YEATS2: variants seen among roughly 807,000 people sequenced by gnomAD.
YEATS2 encodes YEATS domain-containing protein 2.
A neutral mutation model predicts 163.2 loss-of-function variants in YEATS2; 77 were observed. That is an observed-to-expected ratio of 0.47 (90% CI 0.39 to 0.57). The LOEUF is 0.57. YEATS2 is among the 20% of genes least tolerant of loss of function. YEATS2 has a pLI of 0.00. For missense variants in YEATS2, 1,549 were observed against 1,729.8 expected, an observed-to-expected ratio of 0.90 and a Z score of 1.85; for synonymous variants, 631 against 645.1, an observed-to-expected ratio of 0.98 and a Z score of 0.33.
intron 7 of YEATS2, among the ~76,000 whole-genome samples, chr3:183,732,135 T>C (rs1201738001): frequency 1.3e-5 from 2 of 152,144 alleles, no homozygotes; most frequent in Non-Finnish European, 2.9e-5. Flanking sequence ...TCTCGATGTT[T>C]AGGACCTTAT....
intron 9 of YEATS2, among the ~76,000 whole-genome samples, chr3:183,750,049 C>T (rs1355563542): frequency 6.6e-6 from 1 of 151,722 alleles, no homozygotes; most frequent in African/African-American, 2.4e-5. Context: ...TGGTCTTGAT[C>T]TCCTGACCTC....
At chr3:183,783,920 C>A (rs1723813588) in intron 19 of YEATS2, among the ~76,000 whole-genome samples, 1 of 151,928 alleles carries the variant, frequency 6.6e-6, no homozygotes, top group Non-Finnish European at 1.5e-5. Flanking sequence ...GATGGTAGTT[C>A]CGTTTTAAGT....
Position 183,798,995 on chromosome 3 carries a change from T to C in YEATS2, c.3325+6T>C, listed in dbSNP as rs763890496. ...TCCAGCAGCTGTTGCAAAAGGTACG[T>C]AGGATCTCACAGAGTTCTCGTCCAG... On this transcript the variant is annotated splice_donor_region_variant and intron_variant, in intron 23 of 30. Coordinates refer to ENST00000305135, the MANE Select transcript of YEATS2 (RefSeq NM_018023.5). 6 of 1,608,728 alleles carry C rather than the reference T, an allele frequency of 3.7e-6. No individual in the cohort carries two copies. In the African/African-American group the frequency reaches 5.3e-5, roughly 14 times the overall value.
intron 9 of YEATS2, 65 bp from the exon 10 acceptor site, chr3:183,752,008 G>A (rs1289415259): frequency 1.7e-5 from 26 of 1,564,862 alleles, no homozygotes; most frequent in East Asian, 2.3e-5. Flanking sequence ...ATTCTTGGAC[G>A]GGACTTGAGC....
chr3:183,750,026 G>A (rs970851010), intron 9 of YEATS2, among the ~76,000 whole-genome samples: 2 of 151,370 alleles, frequency 1.3e-5, no homozygotes, highest in East Asian at 3.9e-4. Flanking sequence ...GGGTTTCACT[G>A]TGTTAGCCAG....
chr3:183,801,434 A>C (rs552023414), intron 24 of YEATS2, 21 bp from the exon 25 acceptor site: 18 of 1,563,850 alleles, frequency 1.2e-5, no homozygotes, highest in Non-Finnish European at 1.5e-5. Context: ...TATTGCCTTA[A>C]TTTTTTTTTA....
chr3:183,801,767 C>A (rs1318139043), intron 25 of YEATS2: 5 of 401,642 alleles, frequency 1.2e-5, no homozygotes, highest in African/African-American at 1.0e-4. Flanking sequence ...ATATGTAAAT[C>A]ATAGATTGTT....
At chr3:183,710,844 A>G (rs1390587672) in intron 1 of YEATS2, among the ~76,000 whole-genome samples, 1 of 152,164 alleles carries the variant, frequency 6.6e-6, no homozygotes, top group African/African-American at 2.4e-5. Flanking sequence ...TGTAGAATGG[A>G]TAAGTGAGGA....
In YEATS2 at chr3:183,775,982, AGGC is replaced by A. The variant is rs745697570; in HGVS notation, c.2440_2442del (p.Gly814del). ...GAGGAGGAGGAGGAGGAGGAGGAGG[AGGC>A]GGCAGTGGCAGCGGTGGAGGCGGCA... On this transcript the variant is annotated inframe_deletion, in exon 18 of 31. Transcript: ENST00000305135. 9 of 1,372,558 alleles carry A rather than the reference AGGC, an allele frequency of 6.6e-6. No homozygotes were observed. In the African/African-American group the frequency reaches 1.3e-4, roughly 20 times the overall value. 85.0% of individuals were successfully genotyped at this position (1,372,558 alleles called of 1,614,324 possible). A position where few individuals can be genotyped will look rare whatever the true frequency, so the allele number is the denominator to read the frequency against.
chr3:183,756,633 A>G lies in YEATS2; in HGVS notation c.1496A>G (p.Tyr499Cys). The change falls in exon 12 of 31, where the codon TAT (tyrosine) becomes TGT (cysteine). Residue 499 changes from tyrosine to cysteine, a missense_variant. Tyr to Cys is a radical substitution (Grantham distance 194, BLOSUM62 -2). Transcript: ENST00000305135. ...GCCGGCTCTGTTATTAATAATCCTT[A>G]TGTTATCATGGACAAGCAGCCGGGG... Reference protein sequence around the residue: ...GTAGSVINNPYVIMDKQPGQV... With the variant: ...GTAGSVINNPCVIMDKQPGQV... 3 of 1,601,220 alleles carry G rather than the reference A, an allele frequency of 1.9e-6. No individual in the cohort carries two copies. Among genetic ancestry groups the G allele is most frequent in the African/African-American group, 1.3e-5 (1 of 74,690 alleles).
chr3:183,701,408 A>T (rs932067704), intron 1 of YEATS2, among the ~76,000 whole-genome samples: 4 of 150,544 alleles, frequency 2.7e-5, no homozygotes, highest in African/African-American at 9.8e-5. Flanking sequence ...ATTTTTTGAG[A>T]CAGGGTCTGT....
At chr3:183,706,804 G>A (rs1198029921) in intron 1 of YEATS2, among the ~76,000 whole-genome samples, 1 of 151,604 alleles carries the variant, frequency 6.6e-6, no homozygotes, top group Non-Finnish European at 1.5e-5. Context: ...CAACAAGAGC[G>A]AAACTCTGTC....
chr3:183,768,508 A>G (rs1312322134), intron 15 of YEATS2, among the ~76,000 whole-genome samples: 1 of 152,176 alleles, frequency 6.6e-6, no homozygotes, highest in Admixed American at 6.5e-5. Flanking sequence ...AGTTTCTGCC[A>G]CACTCCCAAA....
intron 1 of YEATS2, among the ~76,000 whole-genome samples, chr3:183,700,142 A>C: frequency 1.3e-5 from 2 of 152,224 alleles, no homozygotes; most frequent in Middle Eastern, 6.8e-3. Flanking sequence ...TTGATTGTCA[A>C]AAGTTCTTTA....
chr3:183,712,618 C>T (rs1256550037), intron 1 of YEATS2, among the ~76,000 whole-genome samples: 1 of 152,124 alleles, frequency 6.6e-6, no homozygotes, highest in East Asian at 1.9e-4. Context: ...ATTCTGGTCT[C>T]TTTCATAGAT....
At chr3:183,699,447 T>C in intron 1 of YEATS2, among the ~76,000 whole-genome samples, 1 of 151,560 alleles carries the variant, frequency 6.6e-6, no homozygotes, top group South Asian at 2.1e-4. Flanking sequence ...GGCGCGGTGC[T>C]CACACCTGAA....
intron 12 of YEATS2, among the ~76,000 whole-genome samples, chr3:183,757,314 G>T (rs1335995724): frequency 6.6e-6 from 1 of 152,050 alleles, no homozygotes; most frequent in African/African-American, 2.4e-5. Flanking sequence ...TATTGAGACA[G>T]AGTCTTGCTC....
At chr3:183,757,185 C>T (rs551691581) in intron 12 of YEATS2, among the ~76,000 whole-genome samples, 18 of 152,212 alleles carry the variant, frequency 1.2e-4, no homozygotes, top group East Asian at 5.8e-4. Flanking sequence ...TTGGGTTCAC[C>T]GTGTTCCTCA....
At chr3:183,803,853 C>G (rs1471782296) in intron 26 of YEATS2, 134 bp from the exon 27 acceptor site, 4 of 874,518 alleles carry the variant, frequency 4.6e-6, no homozygotes, top group Admixed American at 2.9e-5. Flanking sequence ...GGGAGTAACA[C>G]AACCAGGTTT....
Sources: allele counts gnomAD v4.1 joint callset (sites outside exome capture counted in the v4.1 genomes callset), GRCh38; gene constraint gnomAD v4.1.1; transcripts MANE v1.5; gene names NCBI Gene and HGNC (gene_info 2026-07-23, HGNC 2026-07-21).